VPS37C: variants seen among roughly 807,000 people sequenced by gnomAD.
VPS37C encodes vacuolar protein sorting-associated protein 37C.
Under a neutral mutation model 16.1 loss-of-function variants are expected in VPS37C, and 9 were observed. The ratio of observed to expected loss-of-function variants is 0.56; its 90% confidence interval spans 0.34 to 0.97. The LOEUF (loss-of-function observed/expected upper bound fraction) is 0.97. VPS37C is among the 50% of genes least tolerant of loss of function. VPS37C has a pLI of 0.02. For missense variants in VPS37C, 479 were observed against 472.7 expected (o/e 1.01, Z -0.12); for synonymous variants, 207 against 206.4 (o/e 1.00, Z -0.02).
intron 3 of VPS37C, 146 bp downstream of exon 3, chr11:61,133,890 C>A: frequency 1.1e-6 from 1 of 940,816 alleles, no homozygotes; most frequent in Non-Finnish European, 1.5e-6. Context: ...TTTTTCTTAC[C>A]TATAAAATGG....
At chr11:61,132,822 G>T in intron 4 of VPS37C, 1 of 569,530 alleles carries the variant, frequency 1.8e-6, no homozygotes, top group Non-Finnish European at 3.1e-6. Flanking sequence ...CTGCATATAT[G>T]TGCTGAACAC....
At chr11:61,152,680 A>C (rs1853315258) in intron 1 of VPS37C, among the ~76,000 whole-genome samples, 1 of 152,046 alleles carries the variant, frequency 6.6e-6, no homozygotes. Flanking sequence ...ACTCCATCCC[A>C]ACTCTTTCTG....
In VPS37C at chr11:61,156,673, T is replaced by TA. The variant is rs561986374; in HGVS notation, c.-7+4717dup. Among the ~76,000 whole-genome samples the TA allele has an allele frequency of 4.1e-4, 63 of 152,324 alleles. No individual in the cohort carries two copies. The East Asian group carries it at 6.7e-3, about 16-fold the overall frequency. On this transcript the variant is annotated intron_variant, in intron 1 of 4. Transcript: ENST00000301765. ...TATAAAGACACAAATTGTTTAGAAG[T>TA]AAAAAACTTTTTAAGAGATATACCG... is the stretch of plus-strand genomic sequence containing the variant.
Position 61,138,762 on chromosome 11 carries a change from T to G in VPS37C, c.68A>C (p.Asp23Ala). Residue 23 changes from aspartate to alanine, a missense_variant, in exon 2 of 5, where the codon GAC becomes GCC. Asp to Ala is a moderately radical substitution (Grantham distance 126, BLOSUM62 -2). Transcript: ENST00000301765. ...EELQNDSEAI[D>A]QLALESPEVQ... ...CTCAGGGGACTCCAGGGCCAGCTGG[T>G]CAATCGCCTCCGAGTCATTCTGCAA... The G allele has an allele frequency of 1.9e-6, 3 of 1,614,082 alleles. No individual in the cohort carries two copies. In the South Asian group the frequency reaches 3.3e-5, roughly 18 times the overall value.
At chr11:61,152,101 G>A (rs1463136038) in intron 1 of VPS37C, among the ~76,000 whole-genome samples, 1 of 152,182 alleles carries the variant, frequency 6.6e-6, no homozygotes, top group Non-Finnish European at 1.5e-5. Flanking sequence ...GGGATCAAGA[G>A]GAAGGTCAAG....
intron 2 of VPS37C, among the ~76,000 whole-genome samples, chr11:61,136,553 A>C (rs1861378239): frequency 6.6e-6 from 1 of 152,194 alleles, no homozygotes; most frequent in African/African-American, 2.4e-5. Flanking sequence ...AATTTAGAAA[A>C]TTGCATATCG....
chr11:61,153,858 T>A (rs933771896), intron 1 of VPS37C, among the ~76,000 whole-genome samples: 8 of 152,290 alleles, frequency 5.3e-5, no homozygotes, highest in African/African-American at 1.9e-4. Context: ...TCTCAGCTGG[T>A]ACTGATCTAT....
intron 2 of VPS37C, chr11:61,138,372 G>C (rs1051183725): frequency 9.3e-5 from 18 of 193,756 alleles, no homozygotes; most frequent in Non-Finnish European, 7.6e-5. Flanking sequence ...ATGGCTCCTA[G>C]AAGCCTTAGA....
chr11:61,132,615 C>T (rs1051281149), intron 4 of VPS37C, 76 bp from the exon 5 acceptor site: 1 of 1,511,498 alleles, frequency 6.6e-7, no homozygotes. Flanking sequence ...GGTCTGAGTT[C>T]AGCTGCAGCC....
In VPS37C at chr11:61,132,164, C is replaced by T; in HGVS notation, c.724G>A (p.Gly242Ser). The T allele has an allele frequency of 6.8e-7, 1 of 1,464,782 alleles. No individual in the cohort carries two copies. Among genetic ancestry groups the T allele is most frequent in the South Asian group, 1.4e-5 (1 of 69,104 alleles). The allele number at this position is 1,464,782 out of a possible 1,614,324, so 90.7% of individuals were successfully genotyped here. A position where few individuals can be genotyped will look rare whatever the true frequency, so the allele number is the denominator to read the frequency against. Residue 242 changes from glycine (G) to serine (S), a missense_variant, in exon 5 of 5, where the codon GGC becomes AGC. Coordinates refer to ENST00000301765, the MANE Select transcript of VPS37C (RefSeq NM_017966.5). ...AGCTGGGCTGCCGGGTAAGTGGGGC[C>T]CAGAGGCCCGCTGTAGAAGGAGGGC... ...SQPSFYSGPL[G>S]PTYPAAQLGP...
In VPS37C at chr11:61,139,891, C is replaced by T. The variant is rs148631917; in HGVS notation, c.-6-1056G>A. ...CCCGATAGCTGGCACTATAGGTGTGCGTTACCACCTCCAGCTAATTTTTAA... is the reference window on the plus strand; with the variant it reads ...CCCGATAGCTGGCACTATAGGTGTGTGTTACCACCTCCAGCTAATTTTTAA... On this transcript the variant is annotated intron_variant, in intron 1 of 4. Transcript: ENST00000301765. Among the ~76,000 whole-genome samples the T allele has an allele frequency of 8.0e-4, 122 of 151,996 alleles. 1 individual carries two copies. In the East Asian group the frequency reaches 0.016, roughly 20 times the overall value.
At chr11:61,137,331 C>A (rs1238733436) in intron 2 of VPS37C, among the ~76,000 whole-genome samples, 6 of 152,242 alleles carry the variant, frequency 3.9e-5, no homozygotes, top group African/African-American at 1.4e-4. Context: ...TGCTTCATTT[C>A]TACCTGATCC....
At position 61,131,115 on chromosome 11, in the gene VPS37C, C is replaced by T. The variant is rs916996385; in HGVS notation, c.*705G>A. The T allele has an allele frequency of 4.3e-6, 1 of 231,720 alleles. No homozygotes were observed. The highest frequency in any genetic ancestry group is 8.5e-6 in the Non-Finnish European group (1 of 117,532). 14.4% of individuals were successfully genotyped at this position (231,720 alleles called of 1,614,324 possible). A position where few individuals can be genotyped will look rare whatever the true frequency, so the allele number is the denominator to read the frequency against. On this transcript the variant is annotated 3_prime_UTR_variant, in exon 5 of 5. Coordinates refer to ENST00000301765, the MANE Select transcript of VPS37C (RefSeq NM_017966.5). ...CTCTGGCCAGAGGGCCCAAGGCAGC[C>T]CCCTGGGTTCTCCAACCACTGCAAG...
At position 61,134,157 on chromosome 11, in the gene VPS37C, G is replaced by A. The variant is rs1451086052; in HGVS notation, c.144C>T (p.Ser48=). The change falls in exon 3 of 5, where the codon AGC becomes AGT. Residue 48 remains serine, a synonymous_variant. Coordinates refer to ENST00000301765, the MANE Select transcript of VPS37C (RefSeq NM_017966.5). The part of the protein sequence containing the change: ...EREMALATNR[S]LAERNLEFQG... ...GGAACTCCAAGTTCCGCTCTGCCAG[G>A]CTCCGGTTGGTGGCCAGTGCCATCT... The A allele has an allele frequency of 1.2e-6, 2 of 1,613,882 alleles. No individual in the cohort carries two copies. Among genetic ancestry groups the A allele is most frequent in the Admixed American group, 3.3e-5 (2 of 59,998 alleles).
At chr11:61,133,484 C>T (rs1057444178) in intron 3 of VPS37C, 147 bp from the exon 4 acceptor site, 1 of 758,946 alleles carries the variant, frequency 1.3e-6, no homozygotes. Flanking sequence ...TTGATGAGCA[C>T]TTTTGGTCCA....
Position 61,132,367 on chromosome 11 carries a change from CG to C in VPS37C, c.520del (p.Arg174ValfsTer25). The C allele has an allele frequency of 2.0e-6, 3 of 1,522,870 alleles. No homozygotes were observed. The highest frequency in any genetic ancestry group is 2.7e-6 in the Non-Finnish European group (3 of 1,126,380). 94.3% of individuals were successfully genotyped at this position (1,522,870 alleles called of 1,614,324 possible). On this transcript the variant is annotated frameshift_variant, in exon 5 of 5. Transcript: ENST00000301765. LOFTEE classifies it low-confidence loss of function (END_TRUNC). ...QELAGDAPPP[R>X]PPPPVRPVPQ... ...GACTGGGCGCACCGGGGGTGGTGGA[CG>C]GGGTGGAGGGGCATCGCCGGCCAGC...
intron 2 of VPS37C, among the ~76,000 whole-genome samples, chr11:61,134,818 C>A (rs149659102): frequency 6.6e-6 from 1 of 152,330 alleles, no homozygotes; most frequent in Non-Finnish European, 1.5e-5. Flanking sequence ...GAGGGGCCAC[C>A]CTGGACATTC....
rs1386441143 is a variant in VPS37C, at chr11:61,131,713, C to T, written c.*107G>A. The T allele has an allele frequency of 4.1e-6, 5 of 1,228,806 alleles. No individual in the cohort carries two copies. In the African/African-American group the frequency reaches 7.8e-5, roughly 19 times the overall value. The allele number at this position is 1,228,806 out of a possible 1,614,324, so 76.1% of individuals were successfully genotyped here. A position where few individuals can be genotyped will look rare whatever the true frequency, so the allele number is the denominator to read the frequency against. On this transcript the variant is annotated 3_prime_UTR_variant, in exon 5 of 5. Transcript: ENST00000301765. Reference sequence around the variant, plus strand: ...GCCTCTGGGTGCCGACGCAAGTCCACAGGGAGCACCAACGCCACTTCCAGT... The same window carrying T: ...GCCTCTGGGTGCCGACGCAAGTCCATAGGGAGCACCAACGCCACTTCCAGT...
In VPS37C at chr11:61,132,125, C is replaced by A. The variant is rs1395665346; in HGVS notation, c.763G>T (p.Ala255Ser). The stretch of plus-strand genomic sequence containing the variant: ...TGTGGGGACCAGGAGTAACCCGCAG[C>A]ACCCCTGGGTCCAAGCTGGGCTGCC... The part of the protein sequence containing the change: ...YPAAQLGPRG[A>S]AGYSWSPQRS... The change falls in exon 5 of 5, where the codon GCT becomes TCT. Residue 255 changes from alanine (A) to serine (S), a missense_variant. Physicochemically the swap from Ala to Ser is moderately conservative, Grantham distance 99. Transcript: ENST00000301765. 1.4e-6 allele frequency: 2 copies of A among 1,436,620 alleles called. No individual in the cohort carries two copies. Among genetic ancestry groups the A allele is most frequent in the Non-Finnish European group, 1.8e-6 (2 of 1,090,984 alleles). 89.0% of individuals were successfully genotyped at this position (1,436,620 alleles called of 1,614,324 possible).
Sources: gnomAD v4.1 joint callset for allele counts (sites outside exome capture counted in the v4.1 genomes callset) on GRCh38, gnomAD v4.1.1 for gene constraint, MANE v1.5 for transcripts, NCBI Gene and HGNC (gene_info 2026-07-23, HGNC 2026-07-21) for gene names.